THSD4: variants seen among roughly 807,000 people sequenced by gnomAD.
THSD4 encodes the protein thrombospondin type 1 domain containing 4.
In THSD4, 69 loss-of-function variants were observed where a neutral mutation model predicts 119.0. The ratio of observed to expected loss-of-function variants is 0.58; its 90% CI spans 0.48 to 0.71. The LOEUF is 0.71. Ranked by LOEUF, THSD4 falls within the 30% of genes least tolerant of loss-of-function variation. The probability of loss-of-function intolerance (pLI) is 0.00; values close to 1 mark genes in which losing one functional copy is unlikely to be tolerated. For missense variants in THSD4, 1,393 were observed against 1,391.1 expected (o/e 1.00, Z -0.02); for synonymous variants, 524 against 540.4 (o/e 0.97, Z 0.42).
intron 3 of THSD4, among the ~76,000 whole-genome samples, chr15:71,210,224 G>C (rs1219675358): frequency 3.3e-5 from 5 of 152,156 alleles, no homozygotes; most frequent in Non-Finnish European, 7.4e-5. Flanking sequence ...TTGAACTCTA[G>C]AAATAAACTC....
chr15:71,614,087 A>G (rs1465049997), intron 7 of THSD4, among the ~76,000 whole-genome samples: 1 of 152,210 alleles, frequency 6.6e-6, no homozygotes, highest in Non-Finnish European at 1.5e-5. Context: ...AAAGAACCCT[A>G]TTCTTATCTT....
chr15:71,480,517 A>G (rs942758304), intron 7 of THSD4, among the ~76,000 whole-genome samples: 2 of 152,246 alleles, frequency 1.3e-5, no homozygotes, highest in Non-Finnish European at 2.9e-5. Context: ...TAACAACTAC[A>G]AAAATAAGGC....
intron 7 of THSD4, among the ~76,000 whole-genome samples, chr15:71,659,862 A>C (rs2051266760): frequency 6.6e-6 from 1 of 152,158 alleles, no homozygotes; most frequent in South Asian, 2.1e-4. Context: ...TCCTTTATAC[A>C]CTGATGAGAC....
intron 7 of THSD4, among the ~76,000 whole-genome samples, chr15:71,611,107 A>G (rs976267426): frequency 1.4e-4 from 22 of 152,236 alleles, no homozygotes; most frequent in Admixed American, 1.3e-3. Flanking sequence ...AAATCACTGG[A>G]CTTACAGCCA....
intron 8 of THSD4, among the ~76,000 whole-genome samples, chr15:71,673,670 A>G (rs556292222): frequency 6.6e-5 from 10 of 152,216 alleles, no homozygotes; most frequent in Non-Finnish European, 1.5e-4. Flanking sequence ...AATGTGTCCC[A>G]GAGATTCTGG....
chr15:71,344,026 C>T (rs2045618794), intron 6 of THSD4, among the ~76,000 whole-genome samples: 1 of 150,088 alleles, frequency 6.7e-6, no homozygotes, highest in African/African-American at 2.4e-5. Context: ...GCCACTGCAC[C>T]CAGCCAGGAT....
Position 71,341,116 on chromosome 15 carries a change from C to CT in THSD4, c.1016-70561dup, listed in dbSNP as rs148908902. 5.4e-3 allele frequency: 6,236 copies of CT among 1,145,658 alleles called. 4 individuals carry two copies. Among genetic ancestry groups the CT allele is most frequent in the African/African-American group, 8.0e-3 (514 of 64,322 alleles). The allele number at this position is 1,145,658 out of a possible 1,614,324, so 71.0% of individuals were successfully genotyped here. A position where few individuals can be genotyped will look rare whatever the true frequency, so the allele number is the denominator to read the frequency against. The stretch of plus-strand genomic sequence containing the variant: ...TCTCTTCTGTCTTCCCTCTCTCTCC[C>CT]TTTTTTTTTTCCTTTTAATTACATT... On this transcript the variant is annotated intron_variant, in intron 6 of 17. Transcript: ENST00000261862.
chr15:71,442,600 ATGTGTGTGTG>A (rs1296595218), intron 7 of THSD4, among the ~76,000 whole-genome samples: 823 of 44,778 alleles, frequency 0.018, 142 homozygotes, highest in Non-Finnish European at 0.022. Flanking sequence ...ATATATATAT[ATGTGTGTGTG>A]TGTGTGTGTA....
intron 17 of THSD4, 146 bp from the exon 18 acceptor site, chr15:71,777,086 T>C: frequency 1.2e-6 from 1 of 841,870 alleles, no homozygotes; most frequent in Non-Finnish European, 1.9e-6. Context: ...GAAAAACCTG[T>C]GAGCCCTTGG....
At chr15:71,281,863 C>G (rs1297366179) in intron 6 of THSD4, among the ~76,000 whole-genome samples, 1 of 152,106 alleles carries the variant, frequency 6.6e-6, no homozygotes, top group Non-Finnish European at 1.5e-5. Context: ...AAAAAATGTT[C>G]CTATTTGTCG....
At chr15:71,335,221 A>G (rs2140379452) in intron 6 of THSD4, among the ~76,000 whole-genome samples, 1 of 152,322 alleles carries the variant, frequency 6.6e-6, no homozygotes, top group East Asian at 1.9e-4. Context: ...GCTCACGTTC[A>G]GGAAATGCAA....
At chr15:71,562,118 G>C (rs2049132403) in intron 7 of THSD4, among the ~76,000 whole-genome samples, 1 of 152,160 alleles carries the variant, frequency 6.6e-6, no homozygotes, top group African/African-American at 2.4e-5. Context: ...CCCAGACCTG[G>C]AGGGTGAATG....
chr15:71,216,088 A>G (rs888960319), intron 4 of THSD4, among the ~76,000 whole-genome samples: 7 of 152,270 alleles, frequency 4.6e-5, no homozygotes, highest in African/African-American at 1.4e-4. Context: ...TCAGTGAGTG[A>G]AGCAATAGAT....
At position 71,242,766 on chromosome 15, in the gene THSD4, C is replaced by G; in HGVS notation, c.582C>G (p.Leu194=). 6.2e-7 allele frequency: 1 copy of G among 1,614,182 alleles called. No homozygotes were observed. Among genetic ancestry groups the G allele is most frequent in the Non-Finnish European group, 8.5e-7 (1 of 1,180,046 alleles). Residue 194 remains leucine, a synonymous_variant, in exon 5 of 18, where the codon CTC becomes CTG. Coordinates refer to ENST00000261862, the MANE Select transcript of THSD4 (RefSeq NM_024817.3). ...CACAGAGGCTCCGGAGACAGAAGCT[C>G]TCATCCCGCCATTCCAGGTCCCAGG... is the stretch of plus-strand genomic sequence containing the variant. ...HTPQRLRRQK[L]SSRHSRSQGA...
At chr15:71,146,154 A>G (rs929738409) in intron 2 of THSD4, among the ~76,000 whole-genome samples, 2 of 152,158 alleles carry the variant, frequency 1.3e-5, no homozygotes, top group African/African-American at 4.8e-5. Flanking sequence ...AACAAATAAC[A>G]CACACACACA....
At chr15:71,511,043 T>C (rs368140691) in intron 7 of THSD4, among the ~76,000 whole-genome samples, 152 of 152,118 alleles carry the variant, frequency 1.0e-3, no homozygotes, top group African/African-American at 2.6e-3. Context: ...GATAAAGAGA[T>C]GTTTTGCTGT....
intron 1 of THSD4, among the ~76,000 whole-genome samples, chr15:71,116,961 C>T (rs2040367961): frequency 6.6e-6 from 1 of 151,958 alleles, no homozygotes; most frequent in Admixed American, 6.6e-5. Context: ...AGTTGAATTC[C>T]TTTAGAAAAC....
At chr15:71,439,116 C>G (rs1268244969) in intron 7 of THSD4, among the ~76,000 whole-genome samples, 1 of 152,112 alleles carries the variant, frequency 6.6e-6, no homozygotes, top group Admixed American at 6.6e-5. Context: ...GCTTTTAGGA[C>G]AAACTAGATT....
intron 3 of THSD4, among the ~76,000 whole-genome samples, chr15:71,211,028 T>C (rs1385998468): frequency 3.3e-5 from 5 of 152,178 alleles, no homozygotes; most frequent in Non-Finnish European, 2.9e-5. Flanking sequence ...TGAAAGAGTA[T>C]GTGCATTGGA....
Sources: allele counts gnomAD v4.1 joint callset (sites outside exome capture counted in the v4.1 genomes callset), GRCh38; gene constraint gnomAD v4.1.1; transcripts MANE v1.5; gene names NCBI Gene and HGNC (gene_info 2026-07-23, HGNC 2026-07-21).